The following RUNX1 variants were observed in gnomAD, a reference collection of about 807,000 sequenced individuals.
RUNX1 encodes the protein RUNX family transcription factor 1.
In RUNX1, 19 loss-of-function variants were observed where a neutral mutation model predicts 42.8. That is an observed-to-expected ratio of 0.44 (90% CI 0.31 to 0.65). RUNX1 has a LOEUF of 0.65. Ranked by LOEUF, RUNX1 falls within the 30% of genes least tolerant of loss-of-function variation. The pLI is 0.07. For synonymous variants in RUNX1, 271 were observed against 289.4 expected (o/e 0.94, Z 0.64); for missense variants, 528 against 672.0 (o/e 0.79, Z 2.37).
At chr21:34,888,022 G>A (rs1321350525) in intron 3 of RUNX1, 2 of 1,066,104 alleles carry the variant, frequency 1.9e-6, no homozygotes, top group Admixed American at 1.1e-4. Context: ...CGGGTTTGGG[G>A]ATGTTGGTTA....
chr21:34,807,219 C>T (rs1365860691), intron 7 of RUNX1, among the ~76,000 whole-genome samples: 1 of 152,096 alleles, frequency 6.6e-6, no homozygotes, highest in Non-Finnish European at 1.5e-5. Flanking sequence ...CCTCGTGCTC[C>T]CCACAGGCGC....
At chr21:34,969,399 G>GAA (rs112140241) in intron 2 of RUNX1, among the ~76,000 whole-genome samples, 2 of 145,328 alleles carry the variant, frequency 1.4e-5, no homozygotes, top group African/African-American at 5.1e-5. Context: ...GGCCAACAGA[G>GAA]AAAAAAAAAA....
At chr21:34,898,577 G>T (rs117177934) in intron 2 of RUNX1, among the ~76,000 whole-genome samples, 1 of 152,046 alleles carries the variant, frequency 6.6e-6, no homozygotes, top group Admixed American at 6.5e-5. Flanking sequence ...GTGGATCACC[G>T]GAGAGCAGGG....
intron 7 of RUNX1, chr21:34,833,316 G>A (rs1271604422): frequency 2.6e-5 from 4 of 152,234 alleles, no homozygotes; most frequent in South Asian, 2.1e-4. Context: ...ATGTTAGCCA[G>A]GATGGTCTCC....
intron 8 of RUNX1, among the ~76,000 whole-genome samples, chr21:34,794,375 A>G (rs2056495452): frequency 6.6e-6 from 1 of 152,126 alleles, no homozygotes; most frequent in Non-Finnish European, 1.5e-5. Context: ...CCTCCTCTCC[A>G]TATCTACTTT....
intron 2 of RUNX1, among the ~76,000 whole-genome samples, chr21:34,926,617 T>C (rs2051392): frequency 0.054 from 4,143 of 76,030 alleles, 217 homozygotes; most frequent in South Asian, 0.098. Context: ...CAAACACAAA[T>C]TGTGTTTTTC....
intron 2 of RUNX1, among the ~76,000 whole-genome samples, chr21:35,016,632 C>G (rs759343647): frequency 6.6e-6 from 1 of 152,114 alleles, no homozygotes. Context: ...GACAGAACAG[C>G]CTTAATCTGT....
chr21:35,008,630 T>C (rs1454786760), intron 2 of RUNX1, among the ~76,000 whole-genome samples: 1 of 152,262 alleles, frequency 6.6e-6, no homozygotes, highest in Admixed American at 6.5e-5. Context: ...GTATATTTGC[T>C]GAATGTGCAC....
At chr21:34,889,642 C>T in intron 3 of RUNX1, 2 of 1,108,250 alleles carry the variant, frequency 1.8e-6, no homozygotes, top group Non-Finnish European at 2.2e-6. Flanking sequence ...CTCCCCGCCC[C>T]CGTGCGCTCG....
intron 2 of RUNX1, among the ~76,000 whole-genome samples, chr21:34,931,471 TTA>T (rs896460492): frequency 3.4e-5 from 5 of 146,160 alleles, no homozygotes; most frequent in African/African-American, 1.0e-4. Context: ...ATATATTATA[TTA>T]TATATGTATA....
At chr21:34,933,000 C>G (rs2058459100) in intron 2 of RUNX1, among the ~76,000 whole-genome samples, 1 of 152,180 alleles carries the variant, frequency 6.6e-6, no homozygotes, top group Non-Finnish European at 1.5e-5. Context: ...TTAGTACGTA[C>G]ATGTACGTGT....
intron 2 of RUNX1, among the ~76,000 whole-genome samples, chr21:35,021,379 T>G (rs2059196807): frequency 6.6e-6 from 1 of 152,224 alleles, no homozygotes; most frequent in South Asian, 2.1e-4. Context: ...CTTAACTTTC[T>G]AGGTGCTGAT....
At chr21:34,904,562 G>A (rs1055084736) in intron 2 of RUNX1, among the ~76,000 whole-genome samples, 3 of 152,160 alleles carry the variant, frequency 2.0e-5, no homozygotes, top group African/African-American at 7.2e-5. Flanking sequence ...GTCATTTCTA[G>A]TTGAACCACT....
chr21:34,837,313 G>A (rs1432719946), intron 6 of RUNX1, among the ~76,000 whole-genome samples: 1 of 152,178 alleles, frequency 6.6e-6, no homozygotes, highest in Admixed American at 6.5e-5. Flanking sequence ...TGCCTTGGTA[G>A]GGGTCTTGAC....
In RUNX1 at chr21:34,922,387, G is replaced by A. The variant is rs1179321575; in HGVS notation, c.59-29424C>T. On this transcript the variant is annotated intron_variant, in intron 2 of 8. Transcript: ENST00000675419. ...GTAATTCTTTTAATAGTTTTATGAG[G>A]TAGGTACTTTACTGTCTTTATATCA... Among the ~76,000 whole-genome samples, 3 of 152,166 alleles carry A rather than the reference G, an allele frequency of 2.0e-5. No individual in the cohort carries two copies. In the East Asian group the frequency reaches 5.8e-4, roughly 29 times the overall value.
chr21:34,820,952 C>G (rs1444267706), intron 7 of RUNX1, among the ~76,000 whole-genome samples: 1 of 152,320 alleles, frequency 6.6e-6, no homozygotes, highest in African/African-American at 2.4e-5. Context: ...ATCACTGAAA[C>G]TCCCTGGGCC....
At chr21:34,971,593 A>G (rs1053014000) in intron 2 of RUNX1, among the ~76,000 whole-genome samples, 3 of 152,028 alleles carry the variant, frequency 2.0e-5, no homozygotes, top group African/African-American at 7.3e-5. Flanking sequence ...TTTATTATGT[A>G]TGGCGTACAT....
chr21:34,972,325 TTAAA>T (rs1451256185), intron 2 of RUNX1, among the ~76,000 whole-genome samples: 2 of 152,230 alleles, frequency 1.3e-5, no homozygotes, highest in African/African-American at 2.4e-5. Context: ...TCTATGGTAA[TTAAA>T]TAAATAGAAG....
chr21:35,039,786 C>T (rs1191384147), intron 2 of RUNX1, among the ~76,000 whole-genome samples: 3 of 152,184 alleles, frequency 2.0e-5, no homozygotes, highest in Non-Finnish European at 2.9e-5. Context: ...GACCCTGCAC[C>T]TTTCACAGTG....
Sources: gnomAD v4.1 joint callset for allele counts (sites outside exome capture counted in the v4.1 genomes callset) on GRCh38, gnomAD v4.1.1 for gene constraint, MANE v1.5 for transcripts, NCBI Gene and HGNC (gene_info 2026-07-23, HGNC 2026-07-21) for gene names.